The following CNOT6L variants were observed in gnomAD, a reference collection of about 807,000 sequenced individuals.
CNOT6L encodes the protein CCR4-NOT transcription complex subunit 6-like.
In CNOT6L, 7 loss-of-function variants were observed where a neutral mutation model predicts 64.0. The observed-to-expected ratio is 0.11, with a 90% confidence interval of 0.06 to 0.21. CNOT6L has a LOEUF of 0.21. CNOT6L is among the 10% of genes least tolerant of loss of function. CNOT6L has a pLI of 1.00. For synonymous variants in CNOT6L, 193 were observed against 243.4 expected, an observed-to-expected ratio of 0.79 and a Z score of 1.93; for missense variants, 245 against 669.0, an observed-to-expected ratio of 0.37 and a Z score of 6.99.
At chr4:77,768,536 CCAGA>C (rs1727154850) in intron 4 of CNOT6L, among the ~76,000 whole-genome samples, 1 of 137,846 alleles carries the variant, frequency 7.3e-6, no homozygotes, top group Admixed American at 7.2e-5. Context: ...TAAAAAGATA[CCAGA>C]AAGAAAAACA....
At chr4:77,783,700 A>T (rs1729138654) in intron 1 of CNOT6L, among the ~76,000 whole-genome samples, 1 of 152,126 alleles carries the variant, frequency 6.6e-6, no homozygotes, top group Admixed American at 6.5e-5. Flanking sequence ...ATAATAAGTT[A>T]AACACATACT....
intron 1 of CNOT6L, among the ~76,000 whole-genome samples, chr4:77,813,988 T>C (rs1733269527): frequency 6.6e-6 from 1 of 152,188 alleles, no homozygotes; most frequent in South Asian, 2.1e-4. Context: ...CCAAAAAGTC[T>C]ATGTCCATCA....
At chr4:77,804,348 G>A (rs753294132) in intron 1 of CNOT6L, among the ~76,000 whole-genome samples, 2 of 151,544 alleles carry the variant, frequency 1.3e-5, no homozygotes, top group African/African-American at 2.4e-5. Context: ...AGAACTGCTT[G>A]AACCTGGGAG....
At chr4:77,800,339 CA>C (rs201623288) in intron 1 of CNOT6L, among the ~76,000 whole-genome samples, 4 of 150,816 alleles carry the variant, frequency 2.7e-5, no homozygotes, top group African/African-American at 9.8e-5. Flanking sequence ...CTAACTCTAC[CA>C]AAAAAAATTT....
chr4:77,755,100 C>A (rs765826590), intron 5 of CNOT6L, among the ~76,000 whole-genome samples: 10 of 150,720 alleles, frequency 6.6e-5, no homozygotes, highest in Non-Finnish European at 1.3e-4. Context: ...CATGGGAGCA[C>A]ATATTTGCAA....
chr4:77,808,646 T>A (rs925248408), intron 1 of CNOT6L, among the ~76,000 whole-genome samples: 2 of 152,102 alleles, frequency 1.3e-5, no homozygotes, highest in African/African-American at 4.8e-5. Context: ...AAGGAAAAGA[T>A]GTTAAAGGAG....
intron 8 of CNOT6L, among the ~76,000 whole-genome samples, chr4:77,738,533 C>T (rs1723219871): frequency 6.6e-6 from 1 of 152,098 alleles, no homozygotes; most frequent in Admixed American, 6.5e-5. Flanking sequence ...GAGGGCAGAT[C>T]ACCTGAGGTC....
chr4:77,773,340 A>T (rs1458985151), intron 3 of CNOT6L, among the ~76,000 whole-genome samples, 174 bp from the exon 4 acceptor site: 1 of 152,218 alleles, frequency 6.6e-6, no homozygotes, highest in African/African-American at 2.4e-5. Flanking sequence ...CAAAATGTGC[A>T]ATTGCCACAA....
intron 4 of CNOT6L, among the ~76,000 whole-genome samples, chr4:77,760,012 C>G (rs13143094): frequency 6.6e-6 from 1 of 152,150 alleles, no homozygotes; most frequent in African/African-American, 2.4e-5. Flanking sequence ...CCCAAATATT[C>G]TGAAATTAAA....
In CNOT6L at chr4:77,808,480, A is replaced by G. The variant is rs1015464354; in HGVS notation, c.5+10824T>C. On this transcript the variant is annotated intron_variant, in intron 1 of 11. Transcript: ENST00000504123. ...GCCATCTCAAAAAAAAAAAAAAAAA[A>G]AGAGAAGAGAAAAGAAGAGAAGCTT... is the stretch of plus-strand genomic sequence containing the variant. Among the ~76,000 whole-genome samples the G allele has an allele frequency of 2.7e-4, 41 of 151,600 alleles. No individual in the cohort carries two copies. In the South Asian group the frequency reaches 4.0e-3, roughly 15 times the overall value.
chr4:77,771,109 C>T (rs1473612256), intron 4 of CNOT6L, among the ~76,000 whole-genome samples: 3 of 152,090 alleles, frequency 2.0e-5, no homozygotes, highest in Non-Finnish European at 4.4e-5. Context: ...CACCTGAGGT[C>T]GGGAGTTCAA....
Position 77,804,760 on chromosome 4 carries a change from T to C in CNOT6L, c.5+14544A>G, listed in dbSNP as rs550793727. On this transcript the variant is annotated intron_variant, in intron 1 of 11. Transcript: ENST00000504123. ...AATGGTGAATGTTTGTGTTATGTAA[T>C]ACATATCTCAACTTTCATCCTACAA... Among the ~76,000 whole-genome samples the C allele has an allele frequency of 2.0e-5, 3 of 152,338 alleles. No homozygotes were observed. In the East Asian group the frequency reaches 5.8e-4, roughly 29 times the overall value.
chr4:77,782,026 C>T (rs1728912063), intron 1 of CNOT6L, among the ~76,000 whole-genome samples: 1 of 152,094 alleles, frequency 6.6e-6, no homozygotes, highest in Non-Finnish European at 1.5e-5. Flanking sequence ...TGAAAAAACA[C>T]AAAATTAAGC....
intron 8 of CNOT6L, among the ~76,000 whole-genome samples, chr4:77,737,232 A>C (rs1400756208): frequency 6.6e-6 from 1 of 152,182 alleles, no homozygotes; most frequent in East Asian, 1.9e-4. Context: ...CAACACTGTT[A>C]AAACCAAACC....
intron 11 of CNOT6L, among the ~76,000 whole-genome samples, chr4:77,721,236 T>G (rs1721243396): frequency 6.6e-6 from 1 of 152,182 alleles, no homozygotes; most frequent in South Asian, 2.1e-4. Context: ...CTGGAATATG[T>G]GTAAATTCTG....
chr4:77,747,737 C>T (rs144051522), intron 6 of CNOT6L, among the ~76,000 whole-genome samples: 449 of 152,286 alleles, frequency 2.9e-3, no homozygotes, highest in Middle Eastern at 0.02. Flanking sequence ...TACATTACTT[C>T]AGTTCTAGAA....
chr4:77,809,098 A>G (rs1732606507), intron 1 of CNOT6L, among the ~76,000 whole-genome samples: 1 of 152,166 alleles, frequency 6.6e-6, no homozygotes, highest in Admixed American at 6.5e-5. Context: ...GATAAGGAAT[A>G]TTATCTCCCT....
At chr4:77,749,846 A>T (rs1329301969) in intron 5 of CNOT6L, among the ~76,000 whole-genome samples, 4 of 152,214 alleles carry the variant, frequency 2.6e-5, no homozygotes, top group African/African-American at 9.6e-5. Flanking sequence ...GCATCTTTTA[A>T]AATTTAAAAC....
rs111860335 is a variant in CNOT6L, at chr4:77,751,813, G to A, written c.491-3429C>T. On this transcript the variant is annotated intron_variant, in intron 5 of 11. Transcript: ENST00000504123. ...AAAAACTATCCTTCAGAAATCAAGG[G>A]GAAATAAAGATGTTAACAGACAAAG... 1.0e-3 allele frequency among the ~76,000 whole-genome samples: 155 copies of A among 152,226 alleles called. 1 individual carries two copies. The highest frequency in any genetic ancestry group is 3.2e-3 in the African/African-American group (134 of 41,522).
Sources: gnomAD v4.1 joint callset for allele counts (sites outside exome capture counted in the v4.1 genomes callset) on GRCh38, gnomAD v4.1.1 for gene constraint, MANE v1.5 for transcripts, NCBI Gene and HGNC (gene_info 2026-07-23, HGNC 2026-07-21) for gene names.